Variants in GALNTL6 observed in about 807,000 individuals in gnomAD.
GALNTL6 encodes the protein polypeptide N-acetylgalactosaminyltransferase like 6, also known as polypeptide N-acetylgalactosaminyltransferase-like 6.
In GALNTL6, 46 loss-of-function variants were observed where a neutral mutation model predicts 73.7. The ratio of observed to expected loss-of-function variants is 0.62; its 90% CI spans 0.49 to 0.80. The LOEUF (loss-of-function observed/expected upper bound fraction) is 0.80. Among genes scored for constraint, GALNTL6 ranks in the 30% least tolerant of loss-of-function variants. The pLI is 0.00. For synonymous variants in GALNTL6, 259 were observed against 263.7 expected, an observed-to-expected ratio of 0.98 and a Z score of 0.17; for missense variants, 604 against 755.0, an observed-to-expected ratio of 0.80 and a Z score of 2.34.
chr4:172,928,669 T>C (rs2111312090), intron 8 of GALNTL6, among the ~76,000 whole-genome samples: 1 of 152,322 alleles, frequency 6.6e-6, no homozygotes, highest in South Asian at 2.1e-4. Flanking sequence ...TAATCCTGGT[T>C]CTATCTCCTA....
intron 10 of GALNTL6, among the ~76,000 whole-genome samples, chr4:172,978,088 C>T (rs183453366): frequency 1.5e-3 from 230 of 152,244 alleles, no homozygotes; most frequent in Non-Finnish European, 1.6e-3. Context: ...GTGTTCCGTC[C>T]GCCTTGGCTT....
intron 5 of GALNTL6, among the ~76,000 whole-genome samples, chr4:172,613,717 C>T (rs1738616735): frequency 6.6e-6 from 1 of 152,064 alleles, no homozygotes; most frequent in South Asian, 2.1e-4. Flanking sequence ...TTTTTGAATA[C>T]TTAAACATTA....
chr4:171,905,014 C>G (rs555500486), intron 2 of GALNTL6, among the ~76,000 whole-genome samples: 1 of 152,132 alleles, frequency 6.6e-6, no homozygotes. Context: ...TGGAAAGGAA[C>G]AACCGATACG....
chr4:171,934,879 G>C lies in GALNTL6; in HGVS notation c.138+120161G>C, dbSNP rs13434398. On this transcript the variant is annotated intron_variant, in intron 2 of 12. Coordinates refer to ENST00000506823, the MANE Select transcript of GALNTL6 (RefSeq NM_001034845.3). ...TGCTTGGTGGAAACTGTGAAAAACT[G>C]GGAAGTTGAAGTTTGACTTACTTTT... Among the ~76,000 whole-genome samples the C allele has an allele frequency of 4.0e-3, 610 of 152,214 alleles. 3 individuals are homozygous for C. The highest frequency in any genetic ancestry group is 0.014 in the African/African-American group (598 of 41,546).
chr4:172,582,446 G>T (rs1293848446), intron 5 of GALNTL6, among the ~76,000 whole-genome samples: 1 of 152,034 alleles, frequency 6.6e-6, no homozygotes, highest in Non-Finnish European at 1.5e-5. Flanking sequence ...TCCCTCACAG[G>T]CCACCCTTGG....
chr4:172,475,996 T>C (rs1733216905), intron 5 of GALNTL6, among the ~76,000 whole-genome samples: 1 of 152,222 alleles, frequency 6.6e-6, no homozygotes, highest in African/African-American at 2.4e-5. Context: ...GAATTAAAGA[T>C]ATAACTGCAA....
chr4:172,842,434 G>A (rs1311278600), intron 7 of GALNTL6, among the ~76,000 whole-genome samples: 4 of 152,102 alleles, frequency 2.6e-5, no homozygotes, highest in African/African-American at 9.7e-5. Context: ...AGGTCTACTA[G>A]AGCTTCTGCT....
At chr4:172,872,549 A>G (rs983474063) in intron 7 of GALNTL6, among the ~76,000 whole-genome samples, 5 of 152,248 alleles carry the variant, frequency 3.3e-5, no homozygotes, top group African/African-American at 9.6e-5. Flanking sequence ...AGAAAAATGC[A>G]GAAATATCCA....
intron 2 of GALNTL6, among the ~76,000 whole-genome samples, chr4:171,923,506 T>C (rs539054857): frequency 6.6e-6 from 1 of 151,334 alleles, no homozygotes. Flanking sequence ...CACGCCATTC[T>C]GTTGTCTCAG....
chr4:172,175,420 G>A (rs550157163), intron 2 of GALNTL6, among the ~76,000 whole-genome samples: 1 of 152,212 alleles, frequency 6.6e-6, no homozygotes, highest in South Asian at 2.1e-4. Context: ...TGAATAGAGA[G>A]GTTAGCATTT....
chr4:172,924,067 C>T (rs1246382487), intron 8 of GALNTL6, among the ~76,000 whole-genome samples: 4 of 151,984 alleles, frequency 2.6e-5, no homozygotes, highest in African/African-American at 9.7e-5. Context: ...AGCGGGAAAA[C>T]TAGACAAAGA....
At chr4:171,968,484 T>C (rs574049231) in intron 2 of GALNTL6, among the ~76,000 whole-genome samples, 24 of 152,328 alleles carry the variant, frequency 1.6e-4, no homozygotes, top group Admixed American at 3.3e-4. Flanking sequence ...TTTCTTCCTC[T>C]TCCTGTAAGG....
At chr4:171,996,905 A>G (rs1245384397) in intron 2 of GALNTL6, among the ~76,000 whole-genome samples, 1 of 152,096 alleles carries the variant, frequency 6.6e-6, no homozygotes, top group Non-Finnish European at 1.5e-5. Flanking sequence ...GATAATTACT[A>G]GTGAAGTTTA....
intron 5 of GALNTL6, among the ~76,000 whole-genome samples, chr4:172,534,560 T>C (rs1735278106): frequency 6.7e-6 from 1 of 148,648 alleles, no homozygotes; most frequent in African/African-American, 2.5e-5. Flanking sequence ...TAATTCTCAA[T>C]TTTACCTAAA....
chr4:172,690,236 T>G (rs1442991516), intron 5 of GALNTL6, among the ~76,000 whole-genome samples: 1 of 152,176 alleles, frequency 6.6e-6, no homozygotes, highest in African/African-American at 2.4e-5. Flanking sequence ...ATGAAACTTT[T>G]TAAAAAGTAA....
intron 10 of GALNTL6, among the ~76,000 whole-genome samples, chr4:173,005,056 C>G (rs1752212762): frequency 6.6e-6 from 1 of 151,968 alleles, no homozygotes; most frequent in African/African-American, 2.4e-5. Flanking sequence ...CCACATTCCC[C>G]TTCTCTTGTA....
At chr4:172,214,557 C>T (rs1417553025) in intron 2 of GALNTL6, among the ~76,000 whole-genome samples, 1 of 150,992 alleles carries the variant, frequency 6.6e-6, no homozygotes, top group Non-Finnish European at 1.5e-5. Context: ...CTCTGTCACC[C>T]AGGCTGGAGT....
intron 5 of GALNTL6, among the ~76,000 whole-genome samples, chr4:172,406,217 G>A (rs938154755): frequency 3.3e-5 from 5 of 151,668 alleles, no homozygotes; most frequent in Admixed American, 2.6e-4. Flanking sequence ...TTTGAGAGGG[G>A]GTCTTGTAGT....
chr4:172,004,860 A>G (rs1270936200), intron 2 of GALNTL6, among the ~76,000 whole-genome samples: 1 of 151,702 alleles, frequency 6.6e-6, no homozygotes, highest in Non-Finnish European at 1.5e-5. Flanking sequence ...GAAAGTTACA[A>G]CTCTGTATGT....
Sources: gnomAD v4.1 joint callset for allele counts (sites outside exome capture counted in the v4.1 genomes callset) on GRCh38, gnomAD v4.1.1 for gene constraint, MANE v1.5 for transcripts, NCBI Gene and HGNC (gene_info 2026-07-23, HGNC 2026-07-21) for gene names.